Variants in CIB2 observed in about 807,000 individuals in gnomAD.
CIB2 encodes calcium and integrin binding family member 2.
A neutral mutation model predicts 23.1 loss-of-function variants in CIB2; 19 were observed. The ratio of observed to expected loss-of-function variants is 0.82; its 90% confidence interval spans 0.57 to 1.21. CIB2 has a LOEUF of 1.21. Ranked by LOEUF, CIB2 falls within the 50% of genes most tolerant of loss-of-function variation. The probability of loss-of-function intolerance (pLI) is 0.00; values close to 1 mark genes in which losing one functional copy is unlikely to be tolerated. For synonymous variants in CIB2, 94 were observed against 91.7 expected (o/e 1.03, Z -0.14); for missense variants, 220 against 241.5 (o/e 0.91, Z 0.59).
intron 5 of CIB2, 157 bp from the exon 6 acceptor site, chr15:78,105,489 A>T: frequency 6.6e-7 from 1 of 1,513,316 alleles, no homozygotes; most frequent in South Asian, 1.3e-5. Context: ...CTGGGGGAAG[A>T]CGGAGGAACA....
intron 2 of CIB2, among the ~76,000 whole-genome samples, chr15:78,122,211 A>G (rs574243843): frequency 1.3e-5 from 2 of 152,294 alleles, no homozygotes; most frequent in Non-Finnish European, 2.9e-5. Flanking sequence ...GGTGCTTATA[A>G]AGGAGATGAT....
intron 2 of CIB2, among the ~76,000 whole-genome samples, chr15:78,111,868 G>A (rs1020364618): frequency 5.3e-5 from 8 of 152,264 alleles, no homozygotes; most frequent in East Asian, 3.9e-4. Flanking sequence ...GGCCCACTTC[G>A]TGGCCCCACC....
chr15:78,112,186 TC>T (rs2074170552), intron 2 of CIB2, among the ~76,000 whole-genome samples: 1 of 152,048 alleles, frequency 6.6e-6, no homozygotes, highest in Non-Finnish European at 1.5e-5. Context: ...CATTATTCAG[TC>T]TTTCTTTGCC....
intron 5 of CIB2, 85 bp from the exon 6 acceptor site, chr15:78,105,417 C>A: frequency 6.3e-7 from 1 of 1,597,890 alleles, no homozygotes; most frequent in East Asian, 2.3e-5. Context: ...CAGCAGGCCC[C>A]AGCCCCATGC....
At position 78,105,924 on chromosome 15, in the gene CIB2, A is replaced by G; in HGVS notation, c.357T>C (p.Thr119=). The change falls in exon 5 of 6, where the codon ACT becomes ACC. Residue 119 remains threonine (T), a synonymous_variant. Transcript: ENST00000258930. ...GGTCCTCCTTGCAGATGAAGTTGTC[A>G]GTGTTGAAGTCTGTAGGGCAGGGGT... ...NYAFKIYDFN[T]DNFICKEDLE... 6.2e-7 allele frequency: 1 copy of G among 1,614,102 alleles called. No individual in the cohort carries two copies. The highest frequency in any genetic ancestry group is 2.2e-5 in the East Asian group (1 of 44,882).
intron 2 of CIB2, among the ~76,000 whole-genome samples, chr15:78,119,099 G>C (rs1281484083): frequency 6.6e-6 from 1 of 150,818 alleles, no homozygotes; most frequent in African/African-American, 2.4e-5. Context: ...AGAATTGCTT[G>C]AACCTGGGAG....
intron 2 of CIB2, 85 bp downstream of exon 2, chr15:78,123,620 A>G (rs370830885): frequency 1.0e-5 from 14 of 1,393,190 alleles, no homozygotes; most frequent in African/African-American, 8.5e-5. Flanking sequence ...CAGCCCCAGG[A>G]GCACAGCCAG....
intron 2 of CIB2, among the ~76,000 whole-genome samples, chr15:78,116,111 G>C (rs759348164): frequency 3.9e-5 from 6 of 151,920 alleles, no homozygotes; most frequent in Non-Finnish European, 7.4e-5. Flanking sequence ...ATTGTATTAG[G>C]TGTTATAAGT....
chr15:78,128,640 G>A (rs1205937699), intron 1 of CIB2, among the ~76,000 whole-genome samples: 4 of 150,604 alleles, frequency 2.7e-5, no homozygotes, highest in Admixed American at 1.3e-4. Context: ...GCAGTGAGCC[G>A]AGATCACACC....
intron 2 of CIB2, among the ~76,000 whole-genome samples, chr15:78,122,576 T>C (rs757442399): frequency 2.0e-5 from 3 of 152,222 alleles, no homozygotes; most frequent in Non-Finnish European, 4.4e-5. Flanking sequence ...CAAATCCCAC[T>C]TATCAAACAC....
chr15:78,130,682 C>G (rs897055792), intron 1 of CIB2, among the ~76,000 whole-genome samples: 1 of 152,182 alleles, frequency 6.6e-6, no homozygotes, highest in African/African-American at 2.4e-5. Flanking sequence ...ATAAACAAGA[C>G]AGTCCCAAGG....
rs564441783 is a variant in CIB2 at position 78,127,967 on chromosome 15, T to A, written c.51+3198A>T. Among the ~76,000 whole-genome samples, 5 of 152,358 alleles carry A rather than the reference T, an allele frequency of 3.3e-5. No individual in the cohort carries two copies. In the East Asian group the frequency reaches 9.6e-4, roughly 29 times the overall value. ...CTGACTTGAATCTAGGGCTTCAGAA[T>A]CTTTGTCTAGAGTTCTTTGCTCTCC... On this transcript the variant is annotated intron_variant, in intron 1 of 5. Transcript: ENST00000258930.
intron 2 of CIB2, among the ~76,000 whole-genome samples, chr15:78,113,536 CTTTTT>C (rs71145895): frequency 6.9e-6 from 1 of 144,982 alleles, no homozygotes; most frequent in Non-Finnish European, 1.5e-5. Flanking sequence ...TTCTTTCTTT[CTTTTT>C]TTTTTTTGAG....
chr15:78,124,856 G>A (rs976743917), intron 1 of CIB2, among the ~76,000 whole-genome samples: 15 of 152,156 alleles, frequency 9.9e-5, no homozygotes, highest in African/African-American at 2.4e-4. Context: ...GGACATCAGG[G>A]CAATTGGATT....
Position 78,109,319 on chromosome 15 carries a change from A to C in CIB2, c.262T>G (p.Phe88Val). 7.4e-6 allele frequency: 12 copies of C among 1,613,944 alleles called. No individual in the cohort carries two copies. Among genetic ancestry groups the C allele is most frequent in the Non-Finnish European group, 1.0e-5 (12 of 1,179,964 alleles). The change falls in exon 4 of 6, where the codon TTC (phenylalanine) becomes GTC (valine). Residue 88 changes from phenylalanine (F) to valine (V), a missense_variant. Transcript: ENST00000258930. The stretch of plus-strand genomic sequence containing the variant: ...GAAAACATGTCCACAAAGTCGTTGA[A>C]AGTGAGGTTCCCCTCACCATCCTCG... ...FSEDGEGNLT[F>V]NDFVDMFSVL...
At chr15:78,106,896 T>C (rs190904512) in intron 4 of CIB2, among the ~76,000 whole-genome samples, 210 of 152,238 alleles carry the variant, frequency 1.4e-3, no homozygotes, top group African/African-American at 4.8e-3. Context: ...AACAAAACTA[T>C]GAGGCAGGCA....
At chr15:78,109,911 C>T (rs2074130856) in intron 3 of CIB2, among the ~76,000 whole-genome samples, 1 of 152,060 alleles carries the variant, frequency 6.6e-6, no homozygotes, top group African/African-American at 2.4e-5. Flanking sequence ...TCCTGTTACC[C>T]AGAAGAGCAC....
intron 2 of CIB2, among the ~76,000 whole-genome samples, chr15:78,116,068 A>G (rs981430892): frequency 2.0e-5 from 3 of 152,152 alleles, no homozygotes. Context: ...TCCTTAAACA[A>G]TACAGTATAG....
intron 1 of CIB2, among the ~76,000 whole-genome samples, chr15:78,126,159 T>G (rs930043834): frequency 3.4e-5 from 5 of 145,392 alleles, no homozygotes; most frequent in Non-Finnish European, 6.0e-5. Context: ...CCTTTTTTTT[T>G]TGAGACGGAG....
Sources: gnomAD v4.1 joint callset for allele counts (sites outside exome capture counted in the v4.1 genomes callset) on GRCh38, gnomAD v4.1.1 for gene constraint, MANE v1.5 for transcripts, NCBI Gene and HGNC (gene_info 2026-07-23, HGNC 2026-07-21) for gene names.